Variants in TRPC7 observed in about 807,000 individuals in gnomAD.
TRPC7 encodes transient receptor potential cation channel subfamily C member 7.
TRPC7 carries 42 observed loss-of-function variants against 90.1 expected under a neutral mutation model. That is an observed-to-expected ratio of 0.47 (90% CI 0.36 to 0.60). The LOEUF is 0.60. Ranked by LOEUF, TRPC7 falls within the 20% of genes least tolerant of loss-of-function variation. The pLI is 0.00. For synonymous variants in TRPC7, 451 were observed against 436.3 expected (o/e 1.03, Z -0.42); for missense variants, 955 against 1,112.3 (o/e 0.86, Z 2.01).
At chr5:136,252,245 A>G (rs1044912342) in intron 5 of TRPC7, among the ~76,000 whole-genome samples, 5 of 152,210 alleles carry the variant, frequency 3.3e-5, no homozygotes, top group African/African-American at 1.2e-4. Flanking sequence ...ACTGAGGTCC[A>G]GGAATTGTAA....
intron 10 of TRPC7, among the ~76,000 whole-genome samples, chr5:136,218,332 AAAAC>A (rs1312377250): frequency 6.6e-6 from 1 of 152,024 alleles, no homozygotes; most frequent in East Asian, 1.9e-4. Context: ...AAAAAATAAC[AAAAC>A]AGACACTTAG....
intron 3 of TRPC7, among the ~76,000 whole-genome samples, chr5:136,294,780 C>T (rs1480712298): frequency 1.3e-5 from 2 of 152,270 alleles, no homozygotes; most frequent in Admixed American, 6.5e-5. Flanking sequence ...CCCAGCCATC[C>T]CATTACTGGG....
At chr5:136,278,753 T>G (rs1757452022) in intron 3 of TRPC7, among the ~76,000 whole-genome samples, 1 of 152,218 alleles carries the variant, frequency 6.6e-6, no homozygotes, top group South Asian at 2.1e-4. Flanking sequence ...ATGCCCTGCC[T>G]AGGCACACCA....
At chr5:136,332,997 C>A (rs1215443464) in intron 2 of TRPC7, among the ~76,000 whole-genome samples, 1 of 152,172 alleles carries the variant, frequency 6.6e-6, no homozygotes, top group African/African-American at 2.4e-5. Flanking sequence ...CCTAGGTGGC[C>A]ACTACTTATA....
chr5:136,338,400 C>T (rs1279405102), intron 2 of TRPC7, among the ~76,000 whole-genome samples: 2 of 152,156 alleles, frequency 1.3e-5, no homozygotes, highest in African/African-American at 4.8e-5. Flanking sequence ...ATAACTAGAG[C>T]TTGTATCTCA....
chr5:136,365,072 G>GA (rs11307237), intron 1 of TRPC7, among the ~76,000 whole-genome samples, 181 bp downstream of exon 1: 37 of 151,454 alleles, frequency 2.4e-4, no homozygotes, highest in Non-Finnish European at 4.1e-4. Context: ...TTCTATAAAA[G>GA]AAAAAAAAAA....
chr5:136,231,375 G>C lies in TRPC7; in HGVS notation c.2019C>G (p.Asn673Lys), dbSNP rs1755808118. Residue 673 changes from asparagine (N) to lysine (K), a missense_variant, in exon 8 of 12, where the codon AAC (asparagine) becomes AAG (lysine). Asn to Lys is a moderately conservative substitution (Grantham distance 94). This residue lies in a region of TRPC7 where 296 missense variants were observed against 422.7 expected (regional missense o/e 0.70). Coordinates refer to ENST00000513104, the MANE Select transcript of TRPC7 (RefSeq NM_020389.3). ...VLLNMLIAMI[N>K]NSYQEIEEDA... ...TTACCTCAATTTCCTGATAGGAGTT[G>C]TTTATCATGGCTATTAGCATGTTGA... 1 of 1,597,732 alleles carries C rather than the reference G, an allele frequency of 6.3e-7. No homozygotes were observed. The highest frequency in any genetic ancestry group is 8.6e-7 in the Non-Finnish European group (1 of 1,167,014).
intron 7 of TRPC7, among the ~76,000 whole-genome samples, chr5:136,232,085 C>G (rs558104346): frequency 4.4e-4 from 67 of 152,154 alleles, no homozygotes; most frequent in Non-Finnish European, 7.6e-4. Flanking sequence ...ATTTTTTATT[C>G]AATCCATTTA....
intron 2 of TRPC7, among the ~76,000 whole-genome samples, chr5:136,328,413 G>T (rs140124639): frequency 2.0e-5 from 3 of 152,188 alleles, no homozygotes; most frequent in African/African-American, 7.2e-5. Flanking sequence ...TTTCCAAAGG[G>T]ATCGCTGTGT....
chr5:136,303,037 C>T (rs534978244), intron 3 of TRPC7, among the ~76,000 whole-genome samples: 1 of 152,282 alleles, frequency 6.6e-6, no homozygotes, highest in Non-Finnish European at 1.5e-5. Flanking sequence ...ATCCTTTTAT[C>T]ACCTCCCCTC....
chr5:136,309,079 G>T (rs1398903217), intron 3 of TRPC7, among the ~76,000 whole-genome samples: 2 of 152,156 alleles, frequency 1.3e-5, no homozygotes, highest in African/African-American at 2.4e-5. Flanking sequence ...GGGTTGAAAT[G>T]GTCCCCCATC....
intron 4 of TRPC7, among the ~76,000 whole-genome samples, chr5:136,266,812 C>G (rs1203850566): frequency 2.0e-5 from 3 of 152,144 alleles, no homozygotes; most frequent in Non-Finnish European, 4.4e-5. Flanking sequence ...TTTGTTTAAT[C>G]TACTCACTTG....
At position 136,216,207 on chromosome 5, in the gene TRPC7, G is replaced by A; in HGVS notation, c.2412C>T (p.Val804=). The part of the protein sequence containing the change: ...KAQVDRENDE[V]NEGELKEIKQ... ...GGAAATCCAGTCATTTACCTTCATTGACTTCGTCATTTTCTCTGTCCACCT... is the reference window on the plus strand; with the variant it reads ...GGAAATCCAGTCATTTACCTTCATTAACTTCGTCATTTTCTCTGTCCACCT... The change falls in exon 11 of 12, where the codon GTC becomes GTT. Residue 804 remains valine (V), a synonymous_variant. Coordinates refer to ENST00000513104, the MANE Select transcript of TRPC7 (RefSeq NM_020389.3). 6.2e-7 allele frequency: 1 copy of A among 1,612,364 alleles called. No individual in the cohort carries two copies. The highest frequency in any genetic ancestry group is 8.5e-7 in the Non-Finnish European group (1 of 1,179,140).
intron 1 of TRPC7, among the ~76,000 whole-genome samples, chr5:136,360,126 A>C (rs1429724539): frequency 6.6e-6 from 1 of 152,244 alleles, no homozygotes; most frequent in East Asian, 1.9e-4. Flanking sequence ...ATTAACTCAA[A>C]GGAAATTTAA....
chr5:136,228,557 C>T (rs1202824153), intron 8 of TRPC7, among the ~76,000 whole-genome samples: 4 of 134,390 alleles, frequency 3.0e-5, no homozygotes, highest in African/African-American at 8.6e-5. Flanking sequence ...GCTGGGGAGG[C>T]GGGATGAGCA....
chr5:136,229,887 C>A (rs1755762420), intron 8 of TRPC7, among the ~76,000 whole-genome samples: 1 of 152,212 alleles, frequency 6.6e-6, no homozygotes, highest in African/African-American at 2.4e-5. Context: ...CAGAGGACGC[C>A]CGGTCAAAAG....
chr5:136,246,331 C>G (rs988794204), intron 7 of TRPC7, among the ~76,000 whole-genome samples: 2 of 152,222 alleles, frequency 1.3e-5, no homozygotes, highest in African/African-American at 4.8e-5. Context: ...TGCAACCACT[C>G]GCAGACCTGC....
At chr5:136,287,746 C>T (rs767430125) in intron 3 of TRPC7, among the ~76,000 whole-genome samples, 1 of 113,788 alleles carries the variant, frequency 8.8e-6, no homozygotes, top group Non-Finnish European at 1.8e-5. Context: ...AAAAAAAAAC[C>T]TCTGTTGAAT....
At chr5:136,353,802 A>C (rs1760275020) in intron 2 of TRPC7, among the ~76,000 whole-genome samples, 1 of 152,252 alleles carries the variant, frequency 6.6e-6, no homozygotes, top group Non-Finnish European at 1.5e-5. Flanking sequence ...ACTGAATTGT[A>C]GAAAGGATTT....
Sources: gnomAD v4.1 joint callset for allele counts (sites outside exome capture counted in the v4.1 genomes callset) on GRCh38, gnomAD v4.1.1 for gene constraint, gnomAD v4.1.1 regional missense constraint, MANE v1.5 for transcripts, NCBI Gene and HGNC (gene_info 2026-07-23, HGNC 2026-07-21) for gene names.